Variants in RANBP10 observed in about 807,000 individuals in gnomAD.
RANBP10 encodes ran-binding protein 10.
A neutral mutation model predicts 72.8 loss-of-function variants in RANBP10; 24 were observed. The ratio of observed to expected loss-of-function variants is 0.33; its 90% CI spans 0.24 to 0.46. The LOEUF (loss-of-function observed/expected upper bound fraction) is 0.46. Ranked by LOEUF, RANBP10 falls within the 20% of genes least tolerant of loss-of-function variation. The probability of loss-of-function intolerance (pLI) is 1.00; values close to 1 mark genes in which losing one functional copy is unlikely to be tolerated. For synonymous variants in RANBP10, 310 were observed against 322.3 expected (o/e 0.96, Z 0.41); for missense variants, 679 against 817.5 (o/e 0.83, Z 2.07).
chr16:67,738,512 G>C (rs1191122880), intron 4 of RANBP10: 1 of 154,738 alleles, frequency 6.5e-6, no homozygotes, highest in African/African-American at 2.4e-5. Context: ...GAGTGCAGTG[G>C]TGCGATCTCG....
intron 3 of RANBP10, among the ~76,000 whole-genome samples, chr16:67,745,723 T>C (rs2054059214): frequency 6.6e-6 from 1 of 151,914 alleles, no homozygotes; most frequent in Non-Finnish European, 1.5e-5. Context: ...ACACAGAACA[T>C]TTCCATCACT....
intron 3 of RANBP10, among the ~76,000 whole-genome samples, chr16:67,746,309 A>G (rs2143006459): frequency 6.7e-6 from 1 of 149,106 alleles, no homozygotes; most frequent in East Asian, 2.0e-4. Flanking sequence ...GTGAAACCCC[A>G]TCTCTACCAA....
chr16:67,794,130 G>A (rs1015564355), intron 2 of RANBP10, among the ~76,000 whole-genome samples: 7 of 152,120 alleles, frequency 4.6e-5, no homozygotes, highest in African/African-American at 1.4e-4. Context: ...CAATCCTTCC[G>A]TCTTGGCCTT....
intron 2 of RANBP10, among the ~76,000 whole-genome samples, chr16:67,786,964 C>T (rs2054927918): frequency 1.4e-5 from 2 of 147,460 alleles, no homozygotes; most frequent in Non-Finnish European, 3.0e-5. Flanking sequence ...ATAGGCCAGG[C>T]ATGGTGGCTC....
chr16:67,758,526 C>T (rs1009909314), intron 3 of RANBP10, among the ~76,000 whole-genome samples: 2 of 152,134 alleles, frequency 1.3e-5, no homozygotes, highest in Admixed American at 1.3e-4. Context: ...TCCCCACATT[C>T]CCAGGGTCTC....
intron 3 of RANBP10, among the ~76,000 whole-genome samples, chr16:67,755,199 T>C (rs1018635269): frequency 1.3e-5 from 2 of 152,130 alleles, no homozygotes; most frequent in African/African-American, 4.8e-5. Flanking sequence ...CCCCACCAAC[T>C]TCTGCTTCAG....
At chr16:67,762,140 C>T (rs2054407625) in intron 3 of RANBP10, among the ~76,000 whole-genome samples, 1 of 152,070 alleles carries the variant, frequency 6.6e-6, no homozygotes, top group African/African-American at 2.4e-5. Flanking sequence ...GGTTGTGTGC[C>T]TGTAGTTCCA....
In RANBP10 at chr16:67,730,030, C is replaced by T. The variant is rs1288096559; in HGVS notation, c.906G>A (p.Val302=). The T allele has an allele frequency of 1.2e-6, 2 of 1,612,722 alleles. No homozygotes were observed. The highest frequency in any genetic ancestry group is 1.7e-6 in the Non-Finnish European group (2 of 1,180,024). Residue 302 remains valine, a synonymous_variant, in exon 8 of 14, where the codon GTG becomes GTA. Coordinates refer to ENST00000317506, the MANE Select transcript of RANBP10 (RefSeq NM_020850.3). This position sits in a 1 kb window ranked among gnomAD's most constrained non-coding sequence, Gnocchi z 4.3. ...TGGCCTCGCCCACACGGCCCTCCAG[C>T]ACCAGCTTCTGGATCTCTGCAGGGT... The part of the protein sequence containing the change: ...IKNRQKIQKL[V]LEGRVGEAIE...
At chr16:67,728,779 C>T (rs897104959) in intron 10 of RANBP10, among the ~76,000 whole-genome samples, 3 of 152,354 alleles carry the variant, frequency 2.0e-5, no homozygotes, top group South Asian at 2.1e-4. Flanking sequence ...TGAGTTCACA[C>T]ACCTCTTCTA....
At chr16:67,797,126 C>G (rs1248404519) in intron 2 of RANBP10, among the ~76,000 whole-genome samples, 1 of 152,194 alleles carries the variant, frequency 6.6e-6, no homozygotes, top group African/African-American at 2.4e-5. Context: ...TGATGAGCTT[C>G]TGCTTCTCTT....
At chr16:67,789,070 G>A (rs1388809052) in intron 2 of RANBP10, among the ~76,000 whole-genome samples, 2 of 151,258 alleles carry the variant, frequency 1.3e-5, no homozygotes, top group Non-Finnish European at 2.9e-5. Context: ...AGCACTTTGG[G>A]AGGCTGAGGC....
rs149459709 is a variant in RANBP10 at position 67,756,292 on chromosome 16, C to G, written c.401-11837G>C. 7.2e-5 allele frequency among the ~76,000 whole-genome samples: 11 copies of G among 152,352 alleles called. No individual in the cohort carries two copies. In the East Asian group the frequency reaches 1.7e-3, roughly 24 times the overall value. On this transcript the variant is annotated intron_variant, in intron 3 of 13. Transcript: ENST00000317506. ...TGAGGAATGGAGAACACTCCTACTG[C>G]TGAATGGAAAGATTTCCTCAGAAGC...
intron 3 of RANBP10, among the ~76,000 whole-genome samples, chr16:67,754,057 C>T (rs1011669910): frequency 2.7e-5 from 4 of 150,204 alleles, no homozygotes; most frequent in Non-Finnish European, 5.9e-5. Context: ...TGGCGTGAAC[C>T]GGGAGGCGGA....
intron 2 of RANBP10, among the ~76,000 whole-genome samples, chr16:67,785,307 A>G (rs1368923134): frequency 6.6e-6 from 1 of 152,150 alleles, no homozygotes; most frequent in African/African-American, 2.4e-5. Flanking sequence ...CAAAACCATA[A>G]AATTCTTAGA....
chr16:67,802,094 CAA>C (rs11349499), intron 2 of RANBP10, among the ~76,000 whole-genome samples: 141 of 121,420 alleles, frequency 1.2e-3, no homozygotes, highest in African/African-American at 1.7e-3. Context: ...GACCCTGCCT[CAA>C]AAAAAAAAAA....
chr16:67,767,568 C>T (rs2054528007), intron 3 of RANBP10, among the ~76,000 whole-genome samples: 1 of 151,446 alleles, frequency 6.6e-6, no homozygotes, highest in African/African-American at 2.4e-5. Context: ...TAGAGACCTG[C>T]CTGGGCAACA....
At chr16:67,731,192 G>A (rs534543528) in intron 7 of RANBP10, 75 of 368,666 alleles carry the variant, frequency 2.0e-4, no homozygotes, top group African/African-American at 1.5e-3. Flanking sequence ...CAAGCAGGGA[G>A]GAAATGGAGG....
In RANBP10 at chr16:67,729,560, TC is replaced by T; in HGVS notation, c.1148-77del. The T allele has an allele frequency of 6.4e-7, 1 of 1,559,096 alleles. No individual in the cohort carries two copies. The highest frequency in any genetic ancestry group is 8.7e-7 in the Non-Finnish European group (1 of 1,152,036). On this transcript the variant is annotated intron_variant, in intron 9 of 13. Coordinates refer to ENST00000317506, the MANE Select transcript of RANBP10 (RefSeq NM_020850.3). This position sits in a 1 kb window ranked among gnomAD's most constrained non-coding sequence, Gnocchi z 7.1. ...GAAGCCCCAAGAACAACCACAGTGG[TC>T]CCATTTCCCTTCTCCCAAATCCAGC... is the stretch of plus-strand genomic sequence containing the variant.
At chr16:67,740,449 G>A in intron 4 of RANBP10, among the ~76,000 whole-genome samples, 1 of 152,042 alleles carries the variant, frequency 6.6e-6, no homozygotes, top group Non-Finnish European at 1.5e-5. Flanking sequence ...TTTGGCCTTT[G>A]AGGTTTTCAA....
Sources: gnomAD v4.1 joint callset for allele counts (sites outside exome capture counted in the v4.1 genomes callset) on GRCh38, gnomAD v4.1.1 for gene constraint, Gnocchi (gnomAD v3.1) non-coding constraint, MANE v1.5 for transcripts, NCBI Gene and HGNC (gene_info 2026-07-23, HGNC 2026-07-21) for gene names.